FAT1: variants seen among roughly 807,000 people sequenced by gnomAD.
FAT1 encodes the protein FAT atypical cadherin 1.
Under a neutral mutation model 329.8 loss-of-function variants are expected in FAT1, and 171 were observed. The ratio of observed to expected loss-of-function variants is 0.52; its 90% confidence interval spans 0.46 to 0.59. The LOEUF (loss-of-function observed/expected upper bound fraction) is 0.59, where lower values mean the gene tolerates loss of function less well. Among genes scored for constraint, FAT1 ranks in the 20% least tolerant of loss-of-function variants. FAT1 has a pLI of 0.00. For missense variants in FAT1, 5,672 were observed against 5,774.4 expected, an observed-to-expected ratio of 0.98 and a Z score of 0.57; for synonymous variants, 2,233 against 2,228.6, an observed-to-expected ratio of 1.00 and a Z score of -0.06.
Position 186,633,671 on chromosome 4 carries a change from G to A in FAT1, c.4323+13C>T. 1 of 1,613,728 alleles carries A rather than the reference G, an allele frequency of 6.2e-7. No homozygotes were observed. Among genetic ancestry groups the A allele is most frequent in the Non-Finnish European group, 8.5e-7 (1 of 1,179,738 alleles). ...TCCTCCTCTGACAAGTGTGTCATTAGTAATTCACTTACCTGAGTGAGGATA... is the reference window on the plus strand; with the variant it reads ...TCCTCCTCTGACAAGTGTGTCATTAATAATTCACTTACCTGAGTGAGGATA... On this transcript the variant is annotated intron_variant, in intron 7 of 26. Transcript: ENST00000441802.
Position 186,708,958 on chromosome 4 carries a change from T to C in FAT1, c.870A>G (p.Ala290=), listed in dbSNP as rs373058419. Residue 290 remains alanine, a synonymous_variant, in exon 2 of 27, where the codon GCA becomes GCG. Transcript: ENST00000441802. ...GGTCACCTGCCACGATGCTTAAAGA[T>C]GCTATGTCACCATTGGCACCCTGAT... is the stretch of plus-strand genomic sequence containing the variant. The part of the protein sequence containing the change: ...DCDQGANGDI[A]SLSIVAGDLL... 8.1e-6 allele frequency: 13 copies of C among 1,613,922 alleles called. No homozygotes were observed. Among genetic ancestry groups the C allele is most frequent in the Non-Finnish European group, 1.7e-6 (2 of 1,179,912 alleles).
At chr4:186,634,630 G>A (rs1160891306) in intron 6 of FAT1, among the ~76,000 whole-genome samples, 2 of 151,758 alleles carry the variant, frequency 1.3e-5, no homozygotes, top group African/African-American at 4.8e-5. Flanking sequence ...AACAGCGATG[G>A]AAGATAGTCA....
intron 1 of FAT1, among the ~76,000 whole-genome samples, chr4:186,711,447 C>T (rs999742208): frequency 1.3e-5 from 2 of 152,128 alleles, no homozygotes; most frequent in African/African-American, 4.8e-5. Context: ...ATTTAGTCAA[C>T]AGTTCTAATA....
chr4:186,606,092 C>A lies in FAT1; in HGVS notation c.10328G>T (p.Gly3443Val), dbSNP rs374842477. Residue 3443 changes from glycine to valine, a missense_variant, in exon 17 of 27, where the codon GGA becomes GTA. Physicochemically the swap from Gly to Val is moderately radical, Grantham distance 109. Transcript: ENST00000441802. ...VNDNAPVFSR[G>V]NYSVIIQENK... is the part of the protein sequence containing the mutation. The stretch of plus-strand genomic sequence containing the variant: ...CACCTGGATAATGACACTGTAGTTT[C>A]CCCTGGAGAAGACGGGCGCGTTGTC... 12 of 1,613,028 alleles carry A rather than the reference C, an allele frequency of 7.4e-6. No homozygotes were observed. Among genetic ancestry groups the A allele is most frequent in the Non-Finnish European group, 1.0e-5 (12 of 1,179,774 alleles).
chr4:186,717,187 T>C (rs1240176770), intron 1 of FAT1, among the ~76,000 whole-genome samples: 2 of 152,244 alleles, frequency 1.3e-5, no homozygotes, highest in East Asian at 1.9e-4. Flanking sequence ...CTAGTTCAAT[T>C]ATCATAGCCA....
At chr4:186,691,792 A>G (rs1349509180) in intron 2 of FAT1, among the ~76,000 whole-genome samples, 1 of 152,182 alleles carries the variant, frequency 6.6e-6, no homozygotes, top group African/African-American at 2.4e-5. Flanking sequence ...TGAGAAAGTG[A>G]GATCCCATCT....
At chr4:186,718,839 G>A (rs1454743096) in intron 1 of FAT1, among the ~76,000 whole-genome samples, 1 of 152,040 alleles carries the variant, frequency 6.6e-6, no homozygotes, top group Non-Finnish European at 1.5e-5. Context: ...CTGCTCCACA[G>A]AGATCCTGCA....
intron 3 of FAT1, among the ~76,000 whole-genome samples, chr4:186,644,771 G>A (rs767285764): frequency 2.0e-5 from 3 of 152,298 alleles, no homozygotes; most frequent in Admixed American, 6.5e-5. Context: ...AGTAGACTTC[G>A]CGAAGCAGAT....
chr4:186,618,838 T>C lies in FAT1; in HGVS notation c.7748A>G (p.Asn2583Ser), dbSNP rs1404296373. Residue 2583 changes from asparagine (N) to serine (S), a missense_variant, in exon 10 of 27, where the codon AAT (asparagine) becomes AGT (serine). Coordinates refer to ENST00000441802, the MANE Select transcript of FAT1 (RefSeq NM_005245.4). ...AGGKVAFCTV[N>S]VILTDDNDNA... Reference sequence around the variant, plus strand: ...GTCATTGTCATCTGTAAGGATGACATTCACGGTGCAGAAAGCAACTTTTCC... The same window carrying C: ...GTCATTGTCATCTGTAAGGATGACACTCACGGTGCAGAAAGCAACTTTTCC... 4 of 1,614,016 alleles carry C rather than the reference T, an allele frequency of 2.5e-6. No individual in the cohort carries two copies. In the Admixed American group the frequency reaches 5.0e-5, roughly 20 times the overall value.
intron 2 of FAT1, among the ~76,000 whole-genome samples, chr4:186,668,107 C>T (rs970064240): frequency 6.6e-6 from 1 of 152,082 alleles, no homozygotes; most frequent in Non-Finnish European, 1.5e-5. Context: ...AGTACCTAGG[C>T]GCTATTATAG....
At chr4:186,651,037 T>TACTTACTATTATTAAATA (rs1487798248) in intron 3 of FAT1, among the ~76,000 whole-genome samples, 19 of 148,932 alleles carry the variant, frequency 1.3e-4, no homozygotes, top group Non-Finnish European at 2.2e-4. Context: ...TTAAATAATT[T>TACTTACTATTATTAAATA]ATTTACTATT....
rs554793019 is a variant in FAT1 at position 186,603,192 on chromosome 4, C to T, written c.11334G>A (p.Ala3778=). The T allele has an allele frequency of 4.2e-5, 67 of 1,613,698 alleles. No homozygotes were observed. The highest frequency in any genetic ancestry group is 3.3e-4 in the Middle Eastern group (2 of 6,060). Reference sequence around the variant, plus strand: ...GTGCAGTACCTTTGCAGAGACACACCGCTGCCCTGTGGTGGCGGGGAGTCA... The same window carrying T: ...GTGCAGTACCTTTGCAGAGACACACTGCTGCCCTGTGGTGGCGGGGAGTCA... ...SFVTPRHHRA[A]VCLCKEGRCP... The change falls in exon 19 of 27, where the codon GCG becomes GCA. Residue 3778 remains alanine, a synonymous_variant. Transcript: ENST00000441802.
intron 7 of FAT1, among the ~76,000 whole-genome samples, chr4:186,631,116 C>T (rs528732029): frequency 1.3e-5 from 2 of 152,296 alleles, no homozygotes; most frequent in Non-Finnish European, 2.9e-5. Context: ...CTTCTCAAAT[C>T]GGCATCTGCT....
At chr4:186,653,618 G>A (rs1560968629) in intron 3 of FAT1, among the ~76,000 whole-genome samples, 1 of 152,110 alleles carries the variant, frequency 6.6e-6, no homozygotes, top group Non-Finnish European at 1.5e-5. Flanking sequence ...TTGTGTGGCT[G>A]GCTAGTGAAG....
chr4:186,699,412 A>G (rs551520654), intron 2 of FAT1, among the ~76,000 whole-genome samples: 2 of 152,240 alleles, frequency 1.3e-5, no homozygotes, highest in East Asian at 3.8e-4. Context: ...CGAGTTCAAC[A>G]TGGTATCAGA....
chr4:186,692,311 A>T (rs60796512), intron 2 of FAT1, among the ~76,000 whole-genome samples: 5,258 of 149,968 alleles, frequency 0.035, 309 homozygotes, highest in African/African-American at 0.12. Flanking sequence ...TAGGTTATTT[A>T]TTTATTTATT....
In FAT1 at chr4:186,709,724, G is replaced by A. The variant is rs752517403; in HGVS notation, c.104C>T (p.Thr35Ile). 8.1e-6 allele frequency: 13 copies of A among 1,613,920 alleles called. No individual in the cohort carries two copies. In the South Asian group the frequency reaches 9.9e-5, roughly 12 times the overall value. The change falls in exon 2 of 27, where the codon ACA (threonine) becomes ATA (isoleucine). Residue 35 changes from threonine (T) to isoleucine (I), a missense_variant. By Grantham distance (89) the Thr-to-Ile change is moderately conservative. Transcript: ENST00000441802. ...QRLEQTPLQF[T>I]HLEYNVTVQE... ...CACGGTGACGTTGTACTCGAGGTGT[G>A]TAAACTGCAGAGGAGTCTGTTCAAG... is the stretch of plus-strand genomic sequence containing the variant.
chr4:186,661,331 C>T (rs1271486268), intron 3 of FAT1, among the ~76,000 whole-genome samples: 1 of 152,202 alleles, frequency 6.6e-6, no homozygotes, highest in African/African-American at 2.4e-5. Context: ...GAGAGGGTCC[C>T]GCTCCATATC....
In FAT1 at chr4:186,709,626, A is replaced by G. The variant is rs1398304730; in HGVS notation, c.202T>C (p.Trp68Arg). Residue 68 changes from tryptophan to arginine, a missense_variant, in exon 2 of 27, where the codon TGG (tryptophan) becomes CGG (arginine). By Grantham distance (101) the Trp-to-Arg change is moderately radical. This residue lies in a region of FAT1 where 3,966 missense variants were observed against 3,915.2 expected (regional missense o/e 1.01). Transcript: ENST00000441802. ...GAAACAATTTTGTACCTTACTTCCC[A>G]CGCTGGATGTGTAATGTAAACACCC... Reference protein sequence around the residue: ...KMGVYITHPAWEVRYKIVSGD... With the variant: ...KMGVYITHPAREVRYKIVSGD... 1.2e-6 allele frequency: 2 copies of G among 1,613,966 alleles called. No individual in the cohort carries two copies. The highest frequency in any genetic ancestry group is 2.2e-5 in the South Asian group (2 of 91,076).
Sources: allele counts gnomAD v4.1 joint callset (sites outside exome capture counted in the v4.1 genomes callset), GRCh38; gene constraint gnomAD v4.1.1; regional missense constraint gnomAD v4.1.1; transcripts MANE v1.5; gene names NCBI Gene and HGNC (gene_info 2026-07-23, HGNC 2026-07-21).